ZNF484: variants seen among roughly 807,000 people sequenced by gnomAD.
ZNF484 encodes the protein KRAB box containing C2H2 type zinc finger bA526D8.4.
In ZNF484, 11 loss-of-function variants were observed where a neutral mutation model predicts 12.9. That is an observed-to-expected ratio of 0.85 (90% CI 0.54 to 1.41). The LOEUF is 1.41. ZNF484 is among the 40% of genes most tolerant of loss of function. ZNF484 has a pLI of 0.00. For missense variants in ZNF484, 807 were observed against 1,007.7 expected (o/e 0.80, Z 2.70); for synonymous variants, 289 against 334.1 (o/e 0.86, Z 1.47).
At chr9:92,867,928 A>G (rs1436151192) in intron 2 of ZNF484, among the ~76,000 whole-genome samples, 1 of 152,214 alleles carries the variant, frequency 6.6e-6, no homozygotes, top group East Asian at 1.9e-4. Flanking sequence ...AAGTGAGGGT[A>G]GTCTTAGAGA....
intron 2 of ZNF484, among the ~76,000 whole-genome samples, chr9:92,870,236 C>G (rs904012376): frequency 6.6e-6 from 1 of 152,114 alleles, no homozygotes; most frequent in Non-Finnish European, 1.5e-5. Context: ...ATAGCTCTGA[C>G]CAGGTGTTCG....
intron 2 of ZNF484, among the ~76,000 whole-genome samples, chr9:92,860,762 A>G (rs77227182): frequency 0.055 from 8,364 of 152,144 alleles, 356 homozygotes; most frequent in Admixed American, 0.083. Flanking sequence ...GCATTAGCTC[A>G]AAGAGAGGTA....
intron 2 of ZNF484, among the ~76,000 whole-genome samples, chr9:92,859,737 T>G (rs937168412): frequency 4.6e-5 from 7 of 152,168 alleles, no homozygotes; most frequent in Admixed American, 1.3e-4. Flanking sequence ...GGTTCCACAA[T>G]TCACAGAAGA....
chr9:92,877,510 T>A (rs992466109), intron 1 of ZNF484, among the ~76,000 whole-genome samples: 5 of 152,202 alleles, frequency 3.3e-5, no homozygotes, highest in African/African-American at 1.2e-4. Context: ...TATATCATTA[T>A]AATGAAACAG....
At chr9:92,869,658 T>C (rs1857315441) in intron 2 of ZNF484, among the ~76,000 whole-genome samples, 1 of 152,238 alleles carries the variant, frequency 6.6e-6, no homozygotes, top group African/African-American at 2.4e-5. Context: ...GAAAGAGAGC[T>C]AATTCCTTCT....
At chr9:92,855,968 T>C (rs972329880) in intron 3 of ZNF484, 65 bp from the exon 4 acceptor site, 28 of 1,573,768 alleles carry the variant, frequency 1.8e-5, no homozygotes, top group Admixed American at 3.5e-5. Context: ...TCCATTTTTT[T>C]CCCAAAAAAG....
In ZNF484 at chr9:92,848,104, C is replaced by G. The variant is rs150458752; in HGVS notation, c.683G>C (p.Cys228Ser). The G allele has an allele frequency of 6.2e-7, 1 of 1,614,220 alleles. No homozygotes were observed. Residue 228 changes from cysteine (C) to serine (S), a missense_variant, in exon 5 of 5, where the codon TGT becomes TCT. By Grantham distance (112) the Cys-to-Ser change is moderately radical (BLOSUM62 -1). Transcript: ENST00000375495. The surrounding 1 kb of genome is among the most constrained non-coding windows in gnomAD (Gnocchi z 4.1). ...TTGCTTATGATGCAGAGGTTTCCCACATTGGTTACATTCACAAGCAGTCAC... is the reference window on the plus strand; with the variant it reads ...TTGCTTATGATGCAGAGGTTTCCCAGATTGGTTACATTCACAAGCAGTCAC... Reference protein sequence around the residue: ...TEVTACECNQCGKPLHHKQAL... With the variant: ...TEVTACECNQSGKPLHHKQAL...
intron 1 of ZNF484, among the ~76,000 whole-genome samples, chr9:92,877,235 GAA>G (rs1233913346): frequency 1.3e-5 from 2 of 151,654 alleles, no homozygotes; most frequent in Non-Finnish European, 2.9e-5. Context: ...CAAAAAGTGG[GAA>G]AAAGAGAAAG....
intron 4 of ZNF484, among the ~76,000 whole-genome samples, chr9:92,849,732 A>C (rs1334576696): frequency 3.3e-5 from 5 of 152,008 alleles, no homozygotes. Flanking sequence ...TTGAAGCTGC[A>C]GTGAGCTCTG....
chr9:92,851,796 A>T (rs1369298301), intron 4 of ZNF484, among the ~76,000 whole-genome samples: 6 of 152,174 alleles, frequency 3.9e-5, no homozygotes, highest in African/African-American at 1.4e-4. Flanking sequence ...TTCTTCATTA[A>T]TCATTTGGGG....
chr9:92,848,195 T>C lies in ZNF484; in HGVS notation c.592A>G (p.Thr198Ala), dbSNP rs1855815107. The part of the protein sequence containing the change: ...IITLYNRNNA[T>A]ENSDKTIGDG... ...CCAATAGTCTTATCAGAATTTTCTG[T>C]TGCATTGTTTCTATTATATAAGGTT... The change falls in exon 5 of 5, where the codon ACA (threonine) becomes GCA (alanine). Residue 198 changes from threonine (T) to alanine (A), a missense_variant. By Grantham distance (58) the Thr-to-Ala change is moderately conservative (BLOSUM62 0). Coordinates refer to ENST00000375495, the MANE Select transcript of ZNF484 (RefSeq NM_031486.4). The surrounding 1 kb of genome is among the most constrained non-coding windows in gnomAD (Gnocchi z 4.1). 6.2e-7 allele frequency: 1 copy of C among 1,614,134 alleles called. No homozygotes were observed. Among genetic ancestry groups the C allele is most frequent in the East Asian group, 2.2e-5 (1 of 44,876 alleles).
intron 2 of ZNF484, among the ~76,000 whole-genome samples, chr9:92,858,661 A>G (rs1477499880): frequency 2.0e-5 from 3 of 152,226 alleles, no homozygotes; most frequent in African/African-American, 7.2e-5. Context: ...TGTTTTATAA[A>G]GTATCCTAGC....
At chr9:92,870,396 A>G (rs1222449072) in intron 2 of ZNF484, among the ~76,000 whole-genome samples, 4 of 152,240 alleles carry the variant, frequency 2.6e-5, no homozygotes, top group Non-Finnish European at 5.9e-5. Context: ...CACAGATTAT[A>G]AAACAACAAA....
chr9:92,874,961 C>T, intron 2 of ZNF484, 54 bp downstream of exon 2: 1 of 1,562,346 alleles, frequency 6.4e-7, no homozygotes, highest in Non-Finnish European at 8.8e-7. Flanking sequence ...CTCCTAAAAT[C>T]CACTAAAAGT....
chr9:92,857,117 G>A (rs1268637852), intron 2 of ZNF484, among the ~76,000 whole-genome samples: 1 of 152,202 alleles, frequency 6.6e-6, no homozygotes, highest in Non-Finnish European at 1.5e-5. Context: ...GCAGTAGCTT[G>A]GCAGTCCAGT....
chr9:92,859,767 G>A lies in ZNF484; in HGVS notation c.16-3449C>T, dbSNP rs79226465. Among the ~76,000 whole-genome samples, 497 of 152,248 alleles carry A rather than the reference G, an allele frequency of 3.3e-3. 1 individual carries two copies. Among genetic ancestry groups the A allele is most frequent in the African/African-American group, 0.011 (465 of 41,534 alleles). ...AGAAGAACTCACAGAAATTAGAAAA[G>A]CCATAATACTCATGGCTATGGTGTT... is the stretch of plus-strand genomic sequence containing the variant. On this transcript the variant is annotated intron_variant, in intron 2 of 4. Coordinates refer to ENST00000375495, the MANE Select transcript of ZNF484 (RefSeq NM_031486.4).
At chr9:92,856,143 A>T (rs1212825210) in intron 3 of ZNF484, 49 bp downstream of exon 3, 1 of 1,600,598 alleles carries the variant, frequency 6.2e-7, no homozygotes, top group Admixed American at 1.8e-5. Flanking sequence ...GAAGAAAAAT[A>T]TACTCAATTA....
In ZNF484 at chr9:92,847,762, T is replaced by G. The variant is rs182253195; in HGVS notation, c.1025A>C (p.Asp342Ala). Reference protein sequence around the residue: ...DYGRAFIQKSDLFRCQRIHSG... With the variant: ...DYGRAFIQKSALFRCQRIHSG... ...ATGAATTCTCTGGCATCTGAACAGATCTGACTTCTGGATAAAGGCTCTTCC... is the reference window on the plus strand; with the variant it reads ...ATGAATTCTCTGGCATCTGAACAGAGCTGACTTCTGGATAAAGGCTCTTCC... The change falls in exon 5 of 5, where the codon GAT becomes GCT. Residue 342 changes from aspartate to alanine, a missense_variant. Transcript: ENST00000375495. The G allele has an allele frequency of 1.4e-5, 23 of 1,613,980 alleles. No homozygotes were observed. Among genetic ancestry groups the G allele is most frequent in the Admixed American group, 3.3e-5 (2 of 60,032 alleles).
intron 1 of ZNF484, among the ~76,000 whole-genome samples, chr9:92,875,984 C>T (rs1857782380): frequency 6.6e-6 from 1 of 152,086 alleles, no homozygotes; most frequent in Non-Finnish European, 1.5e-5. Context: ...TCTGTCAGGG[C>T]CAGAGAGACA....
Sources: allele counts gnomAD v4.1 joint callset (sites outside exome capture counted in the v4.1 genomes callset), GRCh38; gene constraint gnomAD v4.1.1; non-coding constraint Gnocchi (gnomAD v3.1); transcripts MANE v1.5; gene names NCBI Gene and HGNC (gene_info 2026-07-23, HGNC 2026-07-21).